MECOM: variants seen among roughly 807,000 people sequenced by gnomAD.
The protein encoded by MECOM is MDS1 and EVI1 complex locus.
In MECOM, 13 loss-of-function variants were observed where a neutral mutation model predicts 116.3. That is an observed-to-expected ratio of 0.11 (90% CI 0.07 to 0.18). The LOEUF (loss-of-function observed/expected upper bound fraction) is 0.18. Ranked by LOEUF, MECOM falls within the 10% of genes least tolerant of loss-of-function variation. MECOM has a pLI of 1.00. For missense variants in MECOM, 1,299 were observed against 1,509.0 expected (o/e 0.86, Z 2.31); for synonymous variants, 528 against 535.2 (o/e 0.99, Z 0.19).
chr3:169,513,391 C>T (rs887568020), intron 1 of MECOM, among the ~76,000 whole-genome samples: 1 of 152,140 alleles, frequency 6.6e-6, no homozygotes, highest in Non-Finnish European at 1.5e-5. Flanking sequence ...AACTAAAATC[C>T]CTGGGTGTTA....
At chr3:169,103,266 G>A (rs1346566308) in intron 10 of MECOM, among the ~76,000 whole-genome samples, 6 of 151,848 alleles carry the variant, frequency 4.0e-5, no homozygotes, top group Non-Finnish European at 8.8e-5. Flanking sequence ...ACTGTGCCCA[G>A]TCTTAGCTTG....
chr3:169,089,103 T>G lies in MECOM; in HGVS notation c.3482A>C (p.Lys1161Thr). 6.2e-7 allele frequency: 1 copy of G among 1,610,532 alleles called. No homozygotes were observed. The highest frequency in any genetic ancestry group is 8.5e-7 in the Non-Finnish European group (1 of 1,178,418). Residue 1161 changes from lysine to threonine, a missense_variant, in exon 16 of 17, where the codon AAA (lysine) becomes ACA (threonine). This residue lies in a region of MECOM where 273 missense variants were observed against 289.3 expected (regional missense o/e 0.94). Coordinates refer to ENST00000651503, the MANE Select transcript of MECOM (RefSeq NM_004991.4). Reference sequence around the variant, plus strand: ...TTCAGAATATTGATTATCTTCCATTTTCCTCATTTTGAGGCTATCTGTGAA... The same window carrying G: ...TTCAGAATATTGATTATCTTCCATTGTCCTCATTTTGAGGCTATCTGTGAA... ...RHFTDSLKMR[K>T]MEDNQYSEAE... is the part of the protein sequence containing the mutation.
intron 1 of MECOM, among the ~76,000 whole-genome samples, chr3:169,449,721 T>C (rs1745236807): frequency 6.6e-6 from 1 of 152,122 alleles, no homozygotes; most frequent in African/African-American, 2.4e-5. Flanking sequence ...TGCATGTATG[T>C]CTGAGACAAT....
intron 2 of MECOM, among the ~76,000 whole-genome samples, chr3:169,256,123 A>G (rs189325533): frequency 1.3e-5 from 2 of 152,334 alleles, no homozygotes; most frequent in African/African-American, 4.8e-5. Context: ...TTCAAATCAA[A>G]CCAATATAAA....
intron 2 of MECOM, among the ~76,000 whole-genome samples, chr3:169,192,556 A>C (rs1747853992): frequency 6.6e-6 from 1 of 152,048 alleles, no homozygotes; most frequent in Non-Finnish European, 1.5e-5. Flanking sequence ...ATGCATGGAC[A>C]CTTCTTTTTG....
chr3:169,298,318 T>G (rs1482816951), intron 2 of MECOM, among the ~76,000 whole-genome samples: 1 of 152,078 alleles, frequency 6.6e-6, no homozygotes, highest in Non-Finnish European at 1.5e-5. Flanking sequence ...TATGGTTCTC[T>G]CTTTACATAC....
chr3:169,124,692 A>G (rs1732242490), intron 5 of MECOM, among the ~76,000 whole-genome samples: 1 of 152,146 alleles, frequency 6.6e-6, no homozygotes, highest in African/African-American at 2.4e-5. Flanking sequence ...CAAAGCAGGT[A>G]TAATGACAAG....
chr3:169,624,718 A>C (rs554302946), intron 1 of MECOM, among the ~76,000 whole-genome samples: 28 of 152,176 alleles, frequency 1.8e-4, no homozygotes, highest in African/African-American at 6.8e-4. Context: ...ATTCACCCAC[A>C]GGCTTTCCCT....
In MECOM at chr3:169,663,397, G is replaced by A; in HGVS notation, c.-25C>T. On this transcript the variant is annotated 5_prime_UTR_variant, in exon 1 of 17. Coordinates refer to ENST00000651503, the MANE Select transcript of MECOM (RefSeq NM_004991.4). ...TGCTGTGCCCAGTCCTGCAGCCGCT[G>A]GTGTGTGGTTGGGGCTTTTTTTTCT... 6.2e-7 allele frequency: 1 copy of A among 1,605,566 alleles called. No homozygotes were observed. The highest frequency in any genetic ancestry group is 8.5e-7 in the Non-Finnish European group (1 of 1,176,336).
At chr3:169,340,285 GT>G (rs1370598434) in intron 2 of MECOM, among the ~76,000 whole-genome samples, 1 of 152,108 alleles carries the variant, frequency 6.6e-6, no homozygotes, top group Non-Finnish European at 1.5e-5. Flanking sequence ...TTATCTACGG[GT>G]TGCCGCTACT....
intron 2 of MECOM, among the ~76,000 whole-genome samples, chr3:169,163,753 C>T (rs1743177134): frequency 6.6e-6 from 1 of 152,082 alleles, no homozygotes; most frequent in Non-Finnish European, 1.5e-5. Context: ...TGTTAAGATG[C>T]CAAAGATACT....
intron 1 of MECOM, among the ~76,000 whole-genome samples, chr3:169,466,116 G>A (rs1385771563): frequency 6.6e-6 from 1 of 152,190 alleles, no homozygotes; most frequent in African/African-American, 2.4e-5. Flanking sequence ...TATAAAACCA[G>A]AGTGAGTAGA....
chr3:169,405,188 G>A (rs1560230935), intron 1 of MECOM, among the ~76,000 whole-genome samples: 1 of 148,938 alleles, frequency 6.7e-6, no homozygotes, highest in African/African-American at 2.5e-5. Context: ...CTCTTTCTCT[G>A]TCTCTCTCTC....
intron 2 of MECOM, among the ~76,000 whole-genome samples, chr3:169,345,631 C>T (rs1463666545): frequency 1.3e-5 from 2 of 152,096 alleles, no homozygotes; most frequent in East Asian, 1.9e-4. Flanking sequence ...TGCTCCTGCA[C>T]CCCTCATTAC....
intron 2 of MECOM, among the ~76,000 whole-genome samples, chr3:169,151,249 G>T (rs1310613540): frequency 6.6e-6 from 1 of 152,198 alleles, no homozygotes; most frequent in Non-Finnish European, 1.5e-5. Flanking sequence ...ACTTTTAATA[G>T]GCTTCCTGTG....
At chr3:169,371,516 C>CACACAT (rs1403157264) in intron 2 of MECOM, among the ~76,000 whole-genome samples, 1 of 149,966 alleles carries the variant, frequency 6.7e-6, no homozygotes, top group African/African-American at 2.4e-5. Context: ...ATTTTCACTA[C>CACACAT]ACACACACAC....
At chr3:169,126,154 G>A (rs1732764141) in intron 5 of MECOM, among the ~76,000 whole-genome samples, 1 of 152,058 alleles carries the variant, frequency 6.6e-6, no homozygotes. Context: ...CTAAATGTTT[G>A]ACTGAATCAA....
intron 2 of MECOM, among the ~76,000 whole-genome samples, chr3:169,297,485 T>C (rs1319430224): frequency 2.6e-5 from 4 of 151,864 alleles, no homozygotes; most frequent in African/African-American, 9.7e-5. Flanking sequence ...TTAAAAATTC[T>C]ATTGACCATG....
chr3:169,571,795 A>G (rs1170787420), intron 1 of MECOM, among the ~76,000 whole-genome samples: 1 of 152,206 alleles, frequency 6.6e-6, no homozygotes, highest in Non-Finnish European at 1.5e-5. Flanking sequence ...CCGTGCAGAA[A>G]ACTGAAACTG....
Sources: allele counts gnomAD v4.1 joint callset (sites outside exome capture counted in the v4.1 genomes callset), GRCh38; gene constraint gnomAD v4.1.1; regional missense constraint gnomAD v4.1.1; transcripts MANE v1.5; gene names NCBI Gene and HGNC (gene_info 2026-07-23, HGNC 2026-07-21).